IL1R1: variants seen among roughly 807,000 people sequenced by gnomAD.
IL1R1 encodes interleukin 1 receptor type 1.
IL1R1 carries 22 observed loss-of-function variants against 50.2 expected under a neutral mutation model. That is an observed-to-expected ratio of 0.44 (90% CI 0.31 to 0.63). The LOEUF (loss-of-function observed/expected upper bound fraction) is 0.63. Among genes scored for constraint, IL1R1 ranks in the 20% least tolerant of loss-of-function variants. The probability of loss-of-function intolerance (pLI) is 0.07; values close to 1 mark genes in which losing one functional copy is unlikely to be tolerated. For synonymous variants in IL1R1, 251 were observed against 236.7 expected (o/e 1.06, Z -0.55); for missense variants, 509 against 676.2 (o/e 0.75, Z 2.74).
At chr2:102,117,280 T>C (rs1029797464) in intron 1 of IL1R1, among the ~76,000 whole-genome samples, 1 of 152,106 alleles carries the variant, frequency 6.6e-6, no homozygotes, top group African/African-American at 2.4e-5. Flanking sequence ...TATTTGTCCA[T>C]ATGCTTGCAC....
intron 1 of IL1R1, among the ~76,000 whole-genome samples, chr2:102,082,482 C>T (rs1679254785): frequency 6.6e-6 from 1 of 152,126 alleles, no homozygotes; most frequent in South Asian, 2.1e-4. Context: ...CATTAATTTA[C>T]TTGGTATAAG....
chr2:102,173,888 TA>T (rs1248006663), intron 9 of IL1R1, among the ~76,000 whole-genome samples: 5 of 152,202 alleles, frequency 3.3e-5, no homozygotes, highest in Non-Finnish European at 5.9e-5. Context: ...CGACAGTACT[TA>T]AGACCGTAAG....
intron 2 of IL1R1, among the ~76,000 whole-genome samples, chr2:102,157,015 A>G (rs1242610725): frequency 6.6e-6 from 1 of 152,076 alleles, no homozygotes; most frequent in East Asian, 1.9e-4. Context: ...TACATGGTCT[A>G]CTCTAGACAT....
intron 1 of IL1R1, among the ~76,000 whole-genome samples, chr2:102,098,990 T>C (rs750104236): frequency 9.9e-5 from 15 of 152,186 alleles, no homozygotes; most frequent in Non-Finnish European, 1.9e-4. Flanking sequence ...ACTTAGAACC[T>C]GACATATAAT....
rs114015863 is a variant in IL1R1, at chr2:102,111,643, C to T, written c.-84+6771C>T. ...TTCAGAGCAGCTTACAGTCCATCTG[C>T]GAGATAGAATCAAATGTCAACAATG... On this transcript the variant is annotated intron_variant, in intron 1 of 10. Coordinates refer to the IL1R1 transcript ENST00000409329. 4.2e-3 allele frequency among the ~76,000 whole-genome samples: 645 copies of T among 152,184 alleles called. 7 individuals carry two copies. Among genetic ancestry groups the T allele is most frequent in the African/African-American group, 0.015 (621 of 41,506 alleles).
intron 1 of IL1R1, among the ~76,000 whole-genome samples, chr2:102,134,899 C>A (rs1682256962): frequency 6.6e-6 from 1 of 152,170 alleles, no homozygotes; most frequent in Admixed American, 6.5e-5. Context: ...TGCATACCTA[C>A]ACCTGTTTTT....
At chr2:102,147,248 AT>A (rs1683217976) in intron 1 of IL1R1, among the ~76,000 whole-genome samples, 1 of 152,218 alleles carries the variant, frequency 6.6e-6, no homozygotes, top group Non-Finnish European at 1.5e-5. Context: ...ACCATGAGCA[AT>A]ATGGTGAAAA....
At chr2:102,134,556 T>C (rs1682236687) in intron 1 of IL1R1, among the ~76,000 whole-genome samples, 1 of 152,130 alleles carries the variant, frequency 6.6e-6, no homozygotes, top group Non-Finnish European at 1.5e-5. Flanking sequence ...TTTTGTATTT[T>C]TAGTAGAGAC....
In IL1R1 at chr2:102,177,408, G is replaced by T. The variant is rs927468244; in HGVS notation, c.*649G>T. 1 of 155,278 alleles carries T rather than the reference G, an allele frequency of 6.4e-6. No homozygotes were observed. The highest frequency in any genetic ancestry group is 1.5e-5 in the Non-Finnish European group (1 of 68,772). The allele number at this position is 155,278 out of a possible 1,614,324, so 9.6% of individuals were successfully genotyped here. ...AAGTCATCCACAGCCCAAGGGCGGG[G>T]CTATGCCTTGTCTGGGGACCCTGTA... On this transcript the variant is annotated 3_prime_UTR_variant, in exon 12 of 12. Coordinates refer to ENST00000410023, the MANE Select transcript of IL1R1 (RefSeq NM_000877.4).
At chr2:102,099,730 C>T (rs576646743), upstream of IL1R1, among the ~76,000 whole-genome samples, 1 of 152,194 alleles carries the variant, frequency 6.6e-6, no homozygotes, top group Non-Finnish European at 1.5e-5. Flanking sequence ...TCACTGTGGA[C>T]GTCTTAGTCA....
intron 1 of IL1R1, among the ~76,000 whole-genome samples, chr2:102,145,372 C>T (rs1293463754): frequency 1.3e-5 from 2 of 152,116 alleles, no homozygotes; most frequent in East Asian, 1.9e-4. Context: ...TGGAGCCTCC[C>T]GGCCATGCCT....
intron 1 of IL1R1, among the ~76,000 whole-genome samples, chr2:102,145,229 C>T (rs544872168): frequency 1.3e-5 from 2 of 152,306 alleles, no homozygotes; most frequent in African/African-American, 2.4e-5. Flanking sequence ...CATCTGTTGC[C>T]GTGAATGGGT....
At chr2:102,085,453 G>A (rs142564986) in intron 1 of IL1R1, among the ~76,000 whole-genome samples, 302 of 152,260 alleles carry the variant, frequency 2.0e-3, no homozygotes, top group Non-Finnish European at 3.8e-3. Context: ...AAATGATTCA[G>A]TGCCATTTAG....
intron 1 of IL1R1, among the ~76,000 whole-genome samples, chr2:102,084,599 A>G (rs1679359684): frequency 6.6e-6 from 1 of 152,244 alleles, no homozygotes; most frequent in South Asian, 2.1e-4. Context: ...ACAAAATCAT[A>G]TTTTGTGAAT....
Position 102,172,672 on chromosome 2 carries a change from C to A in IL1R1, c.840-15C>A. 1 of 1,585,510 alleles carries A rather than the reference C, an allele frequency of 6.3e-7. No homozygotes were observed. Among genetic ancestry groups the A allele is most frequent in the Non-Finnish European group, 8.6e-7 (1 of 1,163,816 alleles). ...ATTAACTTACACAAGTTTATTTACT[C>A]TCTCTCTCGAATAGTGTGGAAAATC... On this transcript the variant is annotated splice_polypyrimidine_tract_variant and intron_variant, in intron 8 of 11. Coordinates refer to ENST00000410023, the MANE Select transcript of IL1R1 (RefSeq NM_000877.4).
chr2:102,165,146 A>T lies in IL1R1; in HGVS notation c.328A>T (p.Ser110Cys). 1 of 1,578,744 alleles carries T rather than the reference A, an allele frequency of 6.3e-7. No homozygotes were observed. Among genetic ancestry groups the T allele is most frequent in the South Asian group, 1.2e-5 (1 of 84,632 alleles). The stretch of plus-strand genomic sequence containing the variant: ...ATCTTACTGCCTCAGAATTAAAATA[A>T]GTGCAAAATTTGTGGAGAATGAGCC... ...NSSYCLRIKI[S>C]AKFVENEPNL... The change falls in exon 5 of 12, where the codon AGT becomes TGT. Residue 110 changes from serine to cysteine, a missense_variant. By Grantham distance (112) the Ser-to-Cys change is moderately radical. Coordinates refer to ENST00000410023, the MANE Select transcript of IL1R1 (RefSeq NM_000877.4).
chr2:102,147,804 G>A (rs145815564), intron 1 of IL1R1, among the ~76,000 whole-genome samples: 3 of 152,276 alleles, frequency 2.0e-5, no homozygotes, highest in African/African-American at 7.2e-5. Context: ...TTTTCGCCTT[G>A]TATTAGCTGA....
At chr2:102,126,118 A>T (rs1286954227) in intron 1 of IL1R1, among the ~76,000 whole-genome samples, 1 of 152,234 alleles carries the variant, frequency 6.6e-6, no homozygotes, top group African/African-American at 2.4e-5. Flanking sequence ...ATTCATTGAC[A>T]ACATAACCTA....
At position 102,122,589 on chromosome 2, in the gene IL1R1, G is replaced by A. The variant is rs570670342; in HGVS notation, c.-84+17717G>A. ...TCAGGATCAGGTATGGGCCAGGTTT[G>A]TTCAAGCGAAAAATTGTAGTTAATA... is the stretch of plus-strand genomic sequence containing the variant. On this transcript the variant is annotated intron_variant, in intron 1 of 10. Coordinates refer to the IL1R1 transcript ENST00000409329. Among the ~76,000 whole-genome samples, 4 of 152,304 alleles carry A rather than the reference G, an allele frequency of 2.6e-5. No homozygotes were observed. The South Asian group carries it at 8.3e-4, about 32-fold the overall frequency.
Sources: allele counts gnomAD v4.1 joint callset (sites outside exome capture counted in the v4.1 genomes callset), GRCh38; gene constraint gnomAD v4.1.1; transcripts MANE v1.5; gene names NCBI Gene and HGNC (gene_info 2026-07-23, HGNC 2026-07-21).